VAV3: variants seen among roughly 807,000 people sequenced by gnomAD.
VAV3 encodes vav guanine nucleotide exchange factor 3.
In VAV3, 94 loss-of-function variants were observed where a neutral mutation model predicts 131.2. That is an observed-to-expected ratio of 0.72 (90% CI 0.61 to 0.85). The LOEUF is 0.85. VAV3 is among the 40% of genes least tolerant of loss of function. The probability of loss-of-function intolerance (pLI) is 0.00; values close to 1 mark genes in which losing one functional copy is unlikely to be tolerated. For missense variants in VAV3, 939 were observed against 1,002.7 expected, an observed-to-expected ratio of 0.94 and a Z score of 0.86; for synonymous variants, 349 against 342.0, an observed-to-expected ratio of 1.02 and a Z score of -0.22.
intron 2 of VAV3, among the ~76,000 whole-genome samples, chr1:107,825,611 G>T (rs190221897): frequency 6.6e-5 from 10 of 152,160 alleles, no homozygotes; most frequent in Admixed American, 5.9e-4. Context: ...CTGTCAAACT[G>T]GTCTACTCCC....
At chr1:107,898,078 T>C (rs1265266337) in intron 1 of VAV3, among the ~76,000 whole-genome samples, 1 of 151,418 alleles carries the variant, frequency 6.6e-6, no homozygotes, top group Admixed American at 6.6e-5. Context: ...ATTACTCCTT[T>C]GGGCAAAGAA....
At chr1:107,852,461 T>C (rs1669270339) in intron 2 of VAV3, among the ~76,000 whole-genome samples, 1 of 152,214 alleles carries the variant, frequency 6.6e-6, no homozygotes, top group Non-Finnish European at 1.5e-5. Context: ...TTTGGCAAGC[T>C]TCCTTCCAGG....
At chr1:107,915,869 G>T (rs539726253) in intron 1 of VAV3, among the ~76,000 whole-genome samples, 2 of 152,108 alleles carry the variant, frequency 1.3e-5, no homozygotes, top group Non-Finnish European at 2.9e-5. Flanking sequence ...AACAGAAAGA[G>T]CTCCTGCCCT....
intron 20 of VAV3, among the ~76,000 whole-genome samples, chr1:107,619,313 G>A (rs953473084): frequency 3.3e-5 from 5 of 152,180 alleles, no homozygotes; most frequent in African/African-American, 7.2e-5. Flanking sequence ...AGAAAGAAAC[G>A]ATCAGGAGAG....
intron 17 of VAV3, among the ~76,000 whole-genome samples, chr1:107,694,555 T>A (rs1659632828): frequency 6.6e-6 from 1 of 152,204 alleles, no homozygotes; most frequent in Admixed American, 6.5e-5. Flanking sequence ...TACCTAATTT[T>A]CTACCTTTCA....
chr1:107,583,712 CTCT>C (rs1412931253), intron 25 of VAV3, among the ~76,000 whole-genome samples: 1 of 150,988 alleles, frequency 6.6e-6, no homozygotes, highest in Non-Finnish European at 1.5e-5. Flanking sequence ...TGTGAAGGAC[CTCT>C]TCAAGGAGAA....
chr1:107,893,896 C>T (rs1172072110), intron 1 of VAV3, among the ~76,000 whole-genome samples: 1 of 152,260 alleles, frequency 6.6e-6, no homozygotes. Context: ...CACAAGATCC[C>T]AAAATAGGAA....
intron 15 of VAV3, among the ~76,000 whole-genome samples, chr1:107,736,245 A>G (rs1201990849): frequency 6.6e-6 from 1 of 152,206 alleles, no homozygotes; most frequent in East Asian, 1.9e-4. Flanking sequence ...ACCCACAGCC[A>G]ATATCATACT....
At chr1:107,724,054 CTT>C (rs1661683723) in intron 15 of VAV3, among the ~76,000 whole-genome samples, 1 of 152,000 alleles carries the variant, frequency 6.6e-6, no homozygotes, top group African/African-American at 2.4e-5. Flanking sequence ...TGATTTGACT[CTT>C]AACCCAATAT....
At chr1:107,712,620 G>C (rs1316085424) in intron 15 of VAV3, among the ~76,000 whole-genome samples, 1 of 152,054 alleles carries the variant, frequency 6.6e-6, no homozygotes, top group East Asian at 1.9e-4. Context: ...GCAAGGACTT[G>C]GTATGTGATT....
intron 17 of VAV3, among the ~76,000 whole-genome samples, chr1:107,693,068 A>G (rs1659529499): frequency 6.6e-6 from 1 of 152,092 alleles, no homozygotes; most frequent in African/African-American, 2.4e-5. Flanking sequence ...GAAGGAAACG[A>G]CACCCTAAAA....
chr1:107,770,555 C>G, intron 6 of VAV3, 81 bp downstream of exon 6: 2 of 917,838 alleles, frequency 2.2e-6, no homozygotes, highest in Non-Finnish European at 3.5e-6. Context: ...CACATACACA[C>G]CTTCAGAAGA....
intron 1 of VAV3, among the ~76,000 whole-genome samples, chr1:107,952,140 T>C (rs564830251): frequency 3.3e-5 from 5 of 152,120 alleles, no homozygotes; most frequent in Admixed American, 2.0e-4. Context: ...CTATGCAGAA[T>C]GAGATCATGT....
chr1:107,748,877 C>T, intron 15 of VAV3, 91 bp downstream of exon 15: 1 of 971,022 alleles, frequency 1.0e-6, no homozygotes, highest in South Asian at 1.7e-5. Context: ...ATACATGCTA[C>T]AAGCATTAGA....
intron 25 of VAV3, among the ~76,000 whole-genome samples, chr1:107,582,403 T>C (rs1425441637): frequency 6.6e-6 from 1 of 152,186 alleles, no homozygotes; most frequent in Admixed American, 6.5e-5. Flanking sequence ...TTACTGCTTA[T>C]TGTATATATA....
At chr1:107,617,740 T>C (rs1191764178) in intron 20 of VAV3, 108 bp from the exon 21 acceptor site, 7 of 940,816 alleles carry the variant, frequency 7.4e-6, no homozygotes, top group Non-Finnish European at 1.2e-5. Context: ...GAATTCCTTA[T>C]GTGTTATATC....
chr1:107,600,211 T>C (rs959848449), intron 24 of VAV3, among the ~76,000 whole-genome samples: 1 of 152,184 alleles, frequency 6.6e-6, no homozygotes, highest in Admixed American at 6.5e-5. Flanking sequence ...TCAATATAAA[T>C]TTGCTCAACA....
chr1:107,815,568 T>A (rs1667528346), intron 2 of VAV3, among the ~76,000 whole-genome samples: 4 of 152,182 alleles, frequency 2.6e-5, no homozygotes, highest in Admixed American at 2.6e-4. Flanking sequence ...ATTTAAATCA[T>A]CCAGTGTCTG....
intron 21 of VAV3, among the ~76,000 whole-genome samples, chr1:107,615,376 A>G (rs4463702): frequency 0.37 from 56,261 of 152,032 alleles, 10,798 homozygotes; most frequent in Middle Eastern, 0.44. Context: ...TTGATAAATG[A>G]TGCTGGGATA....
Sources: allele counts gnomAD v4.1 joint callset (sites outside exome capture counted in the v4.1 genomes callset), GRCh38; gene constraint gnomAD v4.1.1; transcripts MANE v1.5; gene names NCBI Gene and HGNC (gene_info 2026-07-23, HGNC 2026-07-21).